The following PAK5 variants were observed in gnomAD, a reference collection of about 807,000 sequenced individuals.
The protein encoded by PAK5 is serine/threonine-protein kinase PAK 5.
In PAK5, 16 loss-of-function variants were observed where a neutral mutation model predicts 65.9. That is an observed-to-expected ratio of 0.24 (90% CI 0.16 to 0.37). PAK5 has a LOEUF of 0.37. Ranked by LOEUF, PAK5 falls within the 10% of genes least tolerant of loss-of-function variation. PAK5 has a pLI of 1.00. For missense variants in PAK5, 785 were observed against 903.9 expected, an observed-to-expected ratio of 0.87 and a Z score of 1.69; for synonymous variants, 371 against 354.9, an observed-to-expected ratio of 1.05 and a Z score of -0.51.
intron 3 of PAK5, among the ~76,000 whole-genome samples, chr20:9,593,603 C>T (rs1477399822): frequency 6.6e-6 from 1 of 152,138 alleles, no homozygotes; most frequent in Non-Finnish European, 1.5e-5. Context: ...CCCCGGTGTG[C>T]GATGTTCCCC....
chr20:9,824,413 T>A (rs1402288241), intron 1 of PAK5, among the ~76,000 whole-genome samples: 1 of 152,126 alleles, frequency 6.6e-6, no homozygotes, highest in Non-Finnish European at 1.5e-5. Flanking sequence ...CAAAAAGCAG[T>A]TATGGTTTAT....
At chr20:9,639,002 T>G (rs1341566216) in intron 3 of PAK5, among the ~76,000 whole-genome samples, 6 of 152,208 alleles carry the variant, frequency 3.9e-5, no homozygotes, top group Non-Finnish European at 5.9e-5. Context: ...ACTAGAATGG[T>G]TGGTTCTATT....
chr20:9,809,709 A>T (rs1360816055), intron 1 of PAK5, among the ~76,000 whole-genome samples: 1 of 152,202 alleles, frequency 6.6e-6, no homozygotes, highest in Non-Finnish European at 1.5e-5. Context: ...CAGCACCTGT[A>T]CAATTATTTA....
At chr20:9,599,745 T>G (rs183103051) in intron 3 of PAK5, among the ~76,000 whole-genome samples, 34 of 152,328 alleles carry the variant, frequency 2.2e-4, no homozygotes, top group Non-Finnish European at 3.1e-4. Context: ...TTTTCTATAT[T>G]CTGGGTATTA....
chr20:9,653,722 G>C (rs148098029), intron 2 of PAK5, among the ~76,000 whole-genome samples: 52 of 152,294 alleles, frequency 3.4e-4, no homozygotes, highest in African/African-American at 1.1e-3. Flanking sequence ...AAACTTAGCA[G>C]CTTAGATAAT....
At chr20:9,816,433 C>T (rs2049358155) in intron 1 of PAK5, among the ~76,000 whole-genome samples, 1 of 152,036 alleles carries the variant, frequency 6.6e-6, no homozygotes, top group Non-Finnish European at 1.5e-5. Flanking sequence ...CGGAGTGTTT[C>T]CAGAAGAAAT....
intron 4 of PAK5, among the ~76,000 whole-genome samples, chr20:9,571,881 G>T (rs550799283): frequency 7.0e-6 from 1 of 143,592 alleles, no homozygotes; most frequent in African/African-American, 2.6e-5. Context: ...TGATGGGGGG[G>T]GGGGATGTGG....
intron 1 of PAK5, among the ~76,000 whole-genome samples, chr20:9,830,407 C>A (rs932230283): frequency 3.9e-5 from 6 of 152,174 alleles, no homozygotes; most frequent in African/African-American, 1.4e-4. Context: ...TAAGTATGAT[C>A]TTTTAATATT....
chr20:9,673,655 T>A (rs941163977), intron 2 of PAK5, among the ~76,000 whole-genome samples: 5 of 152,190 alleles, frequency 3.3e-5, no homozygotes, highest in African/African-American at 1.2e-4. Flanking sequence ...GCAGTTTATC[T>A]GCCTCCTAAC....
intron 1 of PAK5, among the ~76,000 whole-genome samples, chr20:9,758,142 C>A (rs564241134): frequency 4.6e-5 from 7 of 152,264 alleles, no homozygotes; most frequent in Non-Finnish European, 1.0e-4. Flanking sequence ...TCTGGGGCAA[C>A]AAAGAATTGT....
chr20:9,682,006 C>T (rs2047655944), intron 2 of PAK5, among the ~76,000 whole-genome samples: 1 of 152,158 alleles, frequency 6.6e-6, no homozygotes, highest in Admixed American at 6.5e-5. Flanking sequence ...AACGCTTCCA[C>T]CTACAACGAG....
chr20:9,599,661 C>T (rs2123100502), intron 3 of PAK5, among the ~76,000 whole-genome samples: 1 of 152,222 alleles, frequency 6.6e-6, no homozygotes, highest in South Asian at 2.1e-4. Flanking sequence ...TTCTCTGGAG[C>T]AGTATCTAGC....
chr20:9,673,224 C>T (rs1027887566), intron 2 of PAK5, among the ~76,000 whole-genome samples: 2 of 151,758 alleles, frequency 1.3e-5, no homozygotes, highest in Admixed American at 6.6e-5. Flanking sequence ...AATGTGTTTC[C>T]AGGAAAGGGA....
intron 3 of PAK5, among the ~76,000 whole-genome samples, chr20:9,598,737 G>T (rs1000287060): frequency 1.3e-5 from 2 of 152,144 alleles, no homozygotes; most frequent in African/African-American, 2.4e-5. Flanking sequence ...TCATATGCTT[G>T]TTGGCCGCAT....
rs2045582188 is a variant in PAK5, at chr20:9,557,870, G to C, written c.1617-136C>G. The stretch of plus-strand genomic sequence containing the variant: ...CATATCTGAAAAACCTGCAGACAAG[G>C]GAAGGAAGTCTTTGGGATCTGACTC... On this transcript the variant is annotated intron_variant, in intron 6 of 9. Coordinates refer to ENST00000353224, the MANE Select transcript of PAK5 (RefSeq NM_177990.4). 8.8e-6 allele frequency: 5 copies of C among 566,642 alleles called. No homozygotes were observed. In the South Asian group the frequency reaches 1.4e-4, roughly 15 times the overall value. The allele number at this position is 566,642 out of a possible 1,614,324, so 35.1% of individuals were successfully genotyped here.
chr20:9,809,335 ATTTT>A (rs3061945), intron 1 of PAK5, among the ~76,000 whole-genome samples: 6 of 135,318 alleles, frequency 4.4e-5, no homozygotes, highest in African/African-American at 1.4e-4. Context: ...GGCAATCCAA[ATTTT>A]TTTTTTTTTT....
intron 3 of PAK5, among the ~76,000 whole-genome samples, chr20:9,604,863 C>T (rs1386273187): frequency 6.6e-6 from 1 of 152,184 alleles, no homozygotes; most frequent in East Asian, 1.9e-4. Context: ...GCTTGTACAA[C>T]TCCTCACTGG....
chr20:9,711,502 A>T (rs1600274016), intron 1 of PAK5, 67 bp from the exon 2 acceptor site: 1 of 152,178 alleles, frequency 6.6e-6, no homozygotes, highest in East Asian at 1.9e-4. Context: ...AAAAATAAAC[A>T]TATAGCCACA....
chr20:9,838,455 C>T lies in PAK5; in HGVS notation c.-162+307G>A, dbSNP rs1485421397. ...CCAGCACGCTCTCAGGGCTGGAATC[C>T]GGGGTTCTCCTCCACGCCCTCCCGC... is the stretch of plus-strand genomic sequence containing the variant. On this transcript the variant is annotated intron_variant, in intron 1 of 9. Transcript: ENST00000353224. The surrounding 1 kb of genome is among the most constrained non-coding windows in gnomAD (Gnocchi z 4.5). Among the ~76,000 whole-genome samples the T allele has an allele frequency of 6.6e-6, 1 of 152,136 alleles. No individual in the cohort carries two copies. The highest frequency in any genetic ancestry group is 1.5e-5 in the Non-Finnish European group (1 of 68,024).
Sources: allele counts gnomAD v4.1 joint callset (sites outside exome capture counted in the v4.1 genomes callset), GRCh38; gene constraint gnomAD v4.1.1; non-coding constraint Gnocchi (gnomAD v3.1); transcripts MANE v1.5; gene names NCBI Gene and HGNC (gene_info 2026-07-23, HGNC 2026-07-21).